The following CLVS1 variants were observed in gnomAD, a reference collection of about 807,000 sequenced individuals.
CLVS1 encodes the protein clavesin-1.
In CLVS1, 10 loss-of-function variants were observed where a neutral mutation model predicts 33.1. That is an observed-to-expected ratio of 0.30 (90% CI 0.19 to 0.51). CLVS1 has a LOEUF of 0.51. Among genes scored for constraint, CLVS1 ranks in the 20% least tolerant of loss-of-function variants. CLVS1 has a pLI of 0.97. For synonymous variants in CLVS1, 163 were observed against 166.1 expected (o/e 0.98, Z 0.14); for missense variants, 343 against 433.4 (o/e 0.79, Z 1.85).
the CLVS1 span, among the ~76,000 whole-genome samples, chr8:60,992,101 C>T: frequency 6.6e-6 from 1 of 152,154 alleles, no homozygotes; most frequent in Admixed American, 6.6e-5. Context: ...GAGCAGCCTT[C>T]CCATGCCATC....
Position 61,218,897 on chromosome 8 carries a change from TCGTG to T in CLVS1, c.-151-80778_-151-80775del, listed in dbSNP as rs1273709718. ...AGGTGGAGGCTGTAGTGAGCTGAGATCGTGCCATTGCACTACAGCCTGGGCAACA... is the reference window on the plus strand; with the variant it reads ...AGGTGGAGGCTGTAGTGAGCTGAGATCCATTGCACTACAGCCTGGGCAACA... On this transcript the variant is annotated intron_variant, in intron 2 of 2. Coordinates refer to the CLVS1 transcript ENST00000522621. Among the ~76,000 whole-genome samples, 4 of 152,094 alleles carry T rather than the reference TCGTG, an allele frequency of 2.6e-5. No homozygotes were observed. The East Asian group carries it at 7.7e-4, about 29-fold the overall frequency.
chr8:61,318,230 C>G (rs902167899), intron 2 of CLVS1, among the ~76,000 whole-genome samples: 2 of 152,152 alleles, frequency 1.3e-5, no homozygotes, highest in Non-Finnish European at 2.9e-5. Flanking sequence ...GTTTTTCTCT[C>G]TAGTGGCTTT....
intron 2 of CLVS1, among the ~76,000 whole-genome samples, chr8:61,160,634 TG>T (rs1806734176): frequency 1.3e-5 from 2 of 152,038 alleles, no homozygotes; most frequent in Non-Finnish European, 2.9e-5. Context: ...TTTTTTTTCC[TG>T]AGATTAATTA....
chr8:61,161,236 T>A (rs1806744569), intron 2 of CLVS1, among the ~76,000 whole-genome samples: 1 of 152,196 alleles, frequency 6.6e-6, no homozygotes, highest in African/African-American at 2.4e-5. Context: ...TGTAAATTTG[T>A]ACACTTATTA....
chr8:60,985,264 C>G, the CLVS1 span, among the ~76,000 whole-genome samples: 1 of 152,176 alleles, frequency 6.6e-6, no homozygotes, highest in Admixed American at 6.5e-5. Context: ...GCTGTGAGTC[C>G]CCAGCTTCTG....
intron 1 of CLVS1, among the ~76,000 whole-genome samples, chr8:61,073,830 G>T (rs901789765): frequency 2.0e-5 from 3 of 150,072 alleles, no homozygotes; most frequent in Non-Finnish European, 4.4e-5. Flanking sequence ...GGCTAACACG[G>T]TGAAACCCCG....
At chr8:61,033,159 GAA>G in the CLVS1 span, among the ~76,000 whole-genome samples, 619 of 16,476 alleles carry the variant, frequency 0.038, 51 homozygotes, top group African/African-American at 0.067. Context: ...AAGAAAGAAA[GAA>G]AAAGAAAGAA....
chr8:61,258,910 G>A (rs924334502), intron 2 of CLVS1, among the ~76,000 whole-genome samples: 4 of 152,134 alleles, frequency 2.6e-5, no homozygotes, highest in African/African-American at 9.7e-5. Flanking sequence ...CATTCCAAAG[G>A]TATAGAGTAA....
intron 2 of CLVS1, among the ~76,000 whole-genome samples, chr8:61,265,219 T>C (rs768093129): frequency 1.3e-5 from 2 of 152,232 alleles, no homozygotes; most frequent in Admixed American, 6.5e-5. Context: ...CATCAAGGCT[T>C]ATTTATCTTA....
chr8:61,295,234 A>G (rs973568188), intron 1 of CLVS1, among the ~76,000 whole-genome samples: 4 of 152,178 alleles, frequency 2.6e-5, no homozygotes, highest in Admixed American at 6.5e-5. Context: ...GCTTACATGA[A>G]TCTGCCTAAA....
chr8:60,968,281 C>T, the CLVS1 span, among the ~76,000 whole-genome samples: 6 of 151,996 alleles, frequency 3.9e-5, no homozygotes, highest in African/African-American at 7.2e-5. Flanking sequence ...AGGCCGAGGC[C>T]GAGGCCGGCG....
intron 1 of CLVS1, among the ~76,000 whole-genome samples, chr8:61,289,462 A>G (rs916439221): frequency 2.0e-5 from 3 of 152,248 alleles, no homozygotes; most frequent in African/African-American, 7.2e-5. Context: ...TGAGCCTGTC[A>G]TCAATAAAAA....
chr8:61,292,317 G>A (rs1308116338), intron 1 of CLVS1: 22 of 455,898 alleles, frequency 4.8e-5, no homozygotes, highest in South Asian at 3.4e-4. Flanking sequence ...ACTTTTCCCA[G>A]GCAGTTTTCT....
intron 2 of CLVS1, among the ~76,000 whole-genome samples, chr8:61,177,050 A>G (rs1807126141): frequency 6.8e-6 from 1 of 147,068 alleles, no homozygotes; most frequent in Non-Finnish European, 1.5e-5. Context: ...TAGCTGCCTA[A>G]CACACTAAGC....
intron 2 of CLVS1, chr8:61,203,060 G>C (rs1585685543): frequency 7.7e-7 from 1 of 1,305,298 alleles, no homozygotes; most frequent in East Asian, 2.3e-5. Context: ...AACACCAAAA[G>C]GACCTAGTTC....
At chr8:61,152,466 G>T (rs542596781) in intron 2 of CLVS1, among the ~76,000 whole-genome samples, 1 of 152,160 alleles carries the variant, frequency 6.6e-6, no homozygotes, top group Non-Finnish European at 1.5e-5. Context: ...CAAGATCAAG[G>T]CTCCGGTGGG....
At chr8:61,373,603 T>G (rs912169126) in intron 2 of CLVS1, among the ~76,000 whole-genome samples, 1 of 152,178 alleles carries the variant, frequency 6.6e-6, no homozygotes, top group African/African-American at 2.4e-5. Context: ...ATCTTCAAAG[T>G]TAATTATTTC....
intron 1 of CLVS1, among the ~76,000 whole-genome samples, chr8:61,091,066 A>G (rs916680488): frequency 2.2e-4 from 33 of 152,188 alleles, no homozygotes; most frequent in African/African-American, 8.0e-4. Flanking sequence ...GACTTTGCAG[A>G]CGTGATTAAA....
chr8:61,033,666 A>G, the CLVS1 span, among the ~76,000 whole-genome samples: 1 of 152,188 alleles, frequency 6.6e-6, no homozygotes, highest in African/African-American at 2.4e-5. Flanking sequence ...GCTTTTGGGC[A>G]GAACAGCTCA....
Sources: gnomAD v4.1 joint callset for allele counts (sites outside exome capture counted in the v4.1 genomes callset) on GRCh38, gnomAD v4.1.1 for gene constraint, MANE v1.5 for transcripts, NCBI Gene and HGNC (gene_info 2026-07-23, HGNC 2026-07-21) for gene names.